The following CCNI variants were observed in gnomAD, a reference collection of about 807,000 sequenced individuals.
CCNI encodes the protein cyclin I.
A neutral mutation model predicts 34.1 loss-of-function variants in CCNI; 14 were observed. That is an observed-to-expected ratio of 0.41 (90% CI 0.27 to 0.64). The LOEUF is 0.64. Ranked by LOEUF, CCNI falls within the 30% of genes least tolerant of loss-of-function variation. CCNI has a pLI of 0.31. For synonymous variants in CCNI, 154 were observed against 158.4 expected, an observed-to-expected ratio of 0.97 and a Z score of 0.21; for missense variants, 385 against 440.5, an observed-to-expected ratio of 0.87 and a Z score of 1.13.
chr4:77,066,579 A>G (rs1729053624), intron 1 of CCNI, among the ~76,000 whole-genome samples, 174 bp from the exon 2 acceptor site: 1 of 152,240 alleles, frequency 6.6e-6, no homozygotes, highest in Admixed American at 6.5e-5. Context: ...TAAAACATTC[A>G]CACTTGAAAT....
chr4:77,066,434 G>A, intron 1 of CCNI, 29 bp from the exon 2 acceptor site: 2 of 1,567,244 alleles, frequency 1.3e-6, no homozygotes, highest in Non-Finnish European at 1.7e-6. Context: ...TTTAAAATTA[G>A]TTATAGAATA....
chr4:77,055,957 T>C lies in CCNI; in HGVS notation c.459+5A>G. The C allele has an allele frequency of 1.2e-6, 2 of 1,606,530 alleles. No homozygotes were observed. The highest frequency in any genetic ancestry group is 1.7e-6 in the Non-Finnish European group (2 of 1,176,152). ...AAGAAACTAAAAGACTTCAGGTATA[T>C]TTACAATATGAAGAAAATCCAATGG... is the stretch of plus-strand genomic sequence containing the variant. On this transcript the variant is annotated splice_donor_5th_base_variant and intron_variant, in intron 5 of 6. Transcript: ENST00000237654.
intron 5 of CCNI, 96 bp from the exon 6 acceptor site, chr4:77,055,476 T>C (rs1728159173): frequency 2.2e-6 from 2 of 893,332 alleles, no homozygotes; most frequent in Admixed American, 5.2e-5. Context: ...TTTTTTTTTT[T>C]TTTTGAGACA....
chr4:77,059,778 T>C (rs1308648689), intron 2 of CCNI, among the ~76,000 whole-genome samples: 4 of 152,126 alleles, frequency 2.6e-5, no homozygotes, highest in Non-Finnish European at 5.9e-5. Flanking sequence ...GGACTAAGGA[T>C]CCATAAAAAT....
intron 1 of CCNI, among the ~76,000 whole-genome samples, chr4:77,072,878 C>A (rs1729592483): frequency 6.6e-6 from 1 of 151,972 alleles, no homozygotes; most frequent in East Asian, 1.9e-4. Context: ...AGTATAGGGT[C>A]ATAATGTATG....
At chr4:77,066,034 G>A (rs1000044096) in intron 2 of CCNI, 2 of 440,368 alleles carry the variant, frequency 4.5e-6, no homozygotes, top group African/African-American at 4.1e-5. Context: ...CCGGGAGGCA[G>A]GGGTTGCAGT....
At chr4:77,063,445 T>C (rs891171421) in intron 2 of CCNI, among the ~76,000 whole-genome samples, 7 of 145,906 alleles carry the variant, frequency 4.8e-5, no homozygotes, top group African/African-American at 1.8e-4. Context: ...ATGCCTGTAA[T>C]CCCAGCACTT....
rs1478925798 is a variant in CCNI, at chr4:77,075,967, C to G, written c.-539G>C. 3 of 150,932 alleles carry G rather than the reference C, an allele frequency of 2.0e-5. No homozygotes were observed. The highest frequency in any genetic ancestry group is 1.3e-4 in the Admixed American group (2 of 15,174). The allele number at this position is 150,932 out of a possible 1,614,324, so 9.3% of individuals were successfully genotyped here. A position where few individuals can be genotyped will look rare whatever the true frequency, so the allele number is the denominator to read the frequency against. ...AGACAGAGGCGCTGCCGCGTCCGCT[C>G]GCGGGGAAGGCTGGGGAGGGAGGGG... is the stretch of plus-strand genomic sequence containing the variant. On this transcript the variant is annotated 5_prime_UTR_variant, in exon 1 of 7. Coordinates refer to ENST00000237654, the MANE Select transcript of CCNI (RefSeq NM_006835.3).
chr4:77,070,887 CAA>C (rs1405526751), intron 1 of CCNI, among the ~76,000 whole-genome samples: 1 of 152,162 alleles, frequency 6.6e-6, no homozygotes, highest in Non-Finnish European at 1.5e-5. Context: ...GACCATCTGA[CAA>C]GAGATATTTA....
intron 1 of CCNI, among the ~76,000 whole-genome samples, chr4:77,067,227 G>A (rs1473237328): frequency 1.3e-5 from 2 of 150,794 alleles, no homozygotes; most frequent in Non-Finnish European, 2.9e-5. Context: ...GTGACACTCC[G>A]TCTCAAAAAC....
At chr4:77,049,548 G>C (rs1435728326) in intron 6 of CCNI, among the ~76,000 whole-genome samples, 1 of 152,058 alleles carries the variant, frequency 6.6e-6, no homozygotes, top group Non-Finnish European at 1.5e-5. Flanking sequence ...CATGGTGGCA[G>C]ATGCCTGTAA....
At chr4:77,070,315 C>G (rs1729363307) in intron 1 of CCNI, among the ~76,000 whole-genome samples, 1 of 149,086 alleles carries the variant, frequency 6.7e-6, no homozygotes, top group Non-Finnish European at 1.5e-5. Flanking sequence ...CCACTCGTGG[C>G]CCTCATTAGC....
intron 2 of CCNI, chr4:77,064,577 G>GCA (rs980551700): frequency 1.9e-5 from 2 of 105,714 alleles, no homozygotes; most frequent in African/African-American, 4.5e-5. Flanking sequence ...TCACACATGC[G>GCA]CGCGCGCGCA....
intron 2 of CCNI, among the ~76,000 whole-genome samples, chr4:77,064,059 T>G (rs1009821757): frequency 6.6e-6 from 1 of 151,956 alleles, no homozygotes; most frequent in African/African-American, 2.4e-5. Flanking sequence ...TCGGCCAACA[T>G]GGTGAAACCC....
At chr4:77,068,950 A>C (rs1181990547) in intron 1 of CCNI, among the ~76,000 whole-genome samples, 1 of 152,148 alleles carries the variant, frequency 6.6e-6, no homozygotes, top group Non-Finnish European at 1.5e-5. Flanking sequence ...AGTTTTTGCA[A>C]ATCTTCTATA....
intron 1 of CCNI, among the ~76,000 whole-genome samples, chr4:77,069,441 ATTT>A (rs199670468): frequency 0.13 from 19,435 of 145,984 alleles, 1,658 homozygotes; most frequent in East Asian, 0.28. Context: ...ATATATATAT[ATTT>A]TTTTTATTAT....
chr4:77,063,191 A>AC (rs2109823810), intron 2 of CCNI, among the ~76,000 whole-genome samples: 1 of 152,218 alleles, frequency 6.6e-6, no homozygotes, highest in Non-Finnish European at 1.5e-5. Flanking sequence ...TATGTGAGAG[A>AC]CTGACTTCAA....
At chr4:77,068,431 T>C (rs1438075936) in intron 1 of CCNI, among the ~76,000 whole-genome samples, 1 of 152,174 alleles carries the variant, frequency 6.6e-6, no homozygotes, top group Non-Finnish European at 1.5e-5. Flanking sequence ...TTACATTTCA[T>C]AGTAGGAAAT....
chr4:77,048,395 A>G lies in CCNI; in HGVS notation c.958T>C (p.Ser320Pro). 1 of 1,614,096 alleles carries G rather than the reference A, an allele frequency of 6.2e-7. No individual in the cohort carries two copies. Among genetic ancestry groups the G allele is most frequent in the Non-Finnish European group, 8.5e-7 (1 of 1,180,010 alleles). Reference protein sequence around the residue: ...LPAASGCKQTSTKRKVEEMEV... With the variant: ...LPAASGCKQTPTKRKVEEMEV... The stretch of plus-strand genomic sequence containing the variant: ...ATTTCCTCTACTTTGCGTTTAGTAG[A>G]GGTCTGCTTGCACCCACTGGCAGCT... Residue 320 changes from serine (S) to proline (P), a missense_variant, in exon 7 of 7, where the codon TCT (serine) becomes CCT (proline). Physicochemically the swap from Ser to Pro is moderately conservative, Grantham distance 74. Transcript: ENST00000237654.
Sources: allele counts gnomAD v4.1 joint callset (sites outside exome capture counted in the v4.1 genomes callset), GRCh38; gene constraint gnomAD v4.1.1; transcripts MANE v1.5; gene names NCBI Gene and HGNC (gene_info 2026-07-23, HGNC 2026-07-21).